SDCCAG8: variants seen among roughly 807,000 people sequenced by gnomAD.
The protein encoded by SDCCAG8 is SHH signaling and ciliogenesis regulator SDCCAG8.
SDCCAG8 carries 74 observed loss-of-function variants against 101.8 expected under a neutral mutation model. The ratio of observed to expected loss-of-function variants is 0.73; its 90% CI spans 0.60 to 0.88. The LOEUF is 0.88. Among genes scored for constraint, SDCCAG8 ranks in the 40% least tolerant of loss-of-function variants. SDCCAG8 has a pLI of 0.00. For synonymous variants in SDCCAG8, 281 were observed against 292.9 expected (o/e 0.96, Z 0.41); for missense variants, 787 against 822.6 (o/e 0.96, Z 0.53).
chr1:243,344,176 T>C (rs2075557959), intron 11 of SDCCAG8, 39 bp from the exon 12 acceptor site: 1 of 1,536,500 alleles, frequency 6.5e-7, no homozygotes, highest in Non-Finnish European at 9.0e-7. Flanking sequence ...GCCTGGTAGA[T>C]TCCAGCAGGT....
At chr1:243,448,934 G>A (rs2148120743) in intron 16 of SDCCAG8, among the ~76,000 whole-genome samples, 1 of 152,272 alleles carries the variant, frequency 6.6e-6, no homozygotes, top group East Asian at 1.9e-4. Flanking sequence ...TGAGACAAAA[G>A]CAGAACTTGA....
intron 4 of SDCCAG8, 96 bp from the exon 5 acceptor site, chr1:243,286,176 G>A (rs1456089582): frequency 1.6e-6 from 2 of 1,234,058 alleles, no homozygotes; most frequent in Non-Finnish European, 2.4e-6. Context: ...GAGAACATAA[G>A]TCTTCCGTAC....
At chr1:243,392,062 A>G (rs2078737317) in intron 13 of SDCCAG8, among the ~76,000 whole-genome samples, 1 of 152,206 alleles carries the variant, frequency 6.6e-6, no homozygotes, top group African/African-American at 2.4e-5. Context: ...AAAATCCCCT[A>G]TTGTACTTGA....
chr1:243,316,588 G>T (rs986126844), intron 8 of SDCCAG8, among the ~76,000 whole-genome samples, 167 bp from the exon 9 acceptor site: 3 of 152,184 alleles, frequency 2.0e-5, no homozygotes, highest in African/African-American at 7.2e-5. Flanking sequence ...CCCGCCGCTC[G>T]CCAAGTGAGG....
At chr1:243,463,042 G>A (rs773315100) in intron 16 of SDCCAG8, among the ~76,000 whole-genome samples, 1 of 152,174 alleles carries the variant, frequency 6.6e-6, no homozygotes, top group Non-Finnish European at 1.5e-5. Context: ...CTGATCCAGG[G>A]CCAATAGGAG....
chr1:243,382,976 A>G (rs2078050244), intron 13 of SDCCAG8, among the ~76,000 whole-genome samples: 1 of 152,188 alleles, frequency 6.6e-6, no homozygotes, highest in Non-Finnish European at 1.5e-5. Context: ...TCATTGTGCA[A>G]CCCCAGTGGA....
At chr1:243,427,007 C>A (rs1478717036) in intron 16 of SDCCAG8, among the ~76,000 whole-genome samples, 1 of 152,172 alleles carries the variant, frequency 6.6e-6, no homozygotes. Context: ...ACAAACAAAA[C>A]CTTCACTTCT....
chr1:243,439,526 G>A (rs2082383391), intron 16 of SDCCAG8, among the ~76,000 whole-genome samples: 1 of 151,952 alleles, frequency 6.6e-6, no homozygotes, highest in South Asian at 2.1e-4. Flanking sequence ...TCCAGAGGCT[G>A]AGGCAGGAGA....
chr1:243,400,756 G>T (rs1003816587), intron 13 of SDCCAG8, among the ~76,000 whole-genome samples: 5 of 152,132 alleles, frequency 3.3e-5, no homozygotes, highest in Non-Finnish European at 7.4e-5. Flanking sequence ...ACCTTTTAAA[G>T]CATGACTCTG....
At chr1:243,318,550 C>T in intron 9 of SDCCAG8, 2 of 985,286 alleles carry the variant, frequency 2.0e-6, no homozygotes, top group Non-Finnish European at 2.4e-6. Context: ...TGCATTAAGC[C>T]TCTTGTCAGC....
At chr1:243,291,246 T>TC (rs1351754400) in intron 5 of SDCCAG8, among the ~76,000 whole-genome samples, 2 of 152,184 alleles carry the variant, frequency 1.3e-5, no homozygotes, top group African/African-American at 2.4e-5. Context: ...ACACATAAAT[T>TC]CCCCAGATCA....
intron 13 of SDCCAG8, among the ~76,000 whole-genome samples, chr1:243,379,396 T>C (rs757648115): frequency 1.9e-4 from 29 of 152,316 alleles, no homozygotes; most frequent in Non-Finnish European, 4.1e-4. Context: ...GCTTACACCA[T>C]TGAGGTTTCA....
At chr1:243,321,209 A>G (rs1008090553) in intron 9 of SDCCAG8, among the ~76,000 whole-genome samples, 8 of 152,098 alleles carry the variant, frequency 5.3e-5, no homozygotes, top group Non-Finnish European at 1.2e-4. Flanking sequence ...CTTATATAGC[A>G]TTTATCAAAA....
chr1:243,497,267 G>A (rs575748960), intron 17 of SDCCAG8, among the ~76,000 whole-genome samples: 2 of 138,934 alleles, frequency 1.4e-5, no homozygotes, highest in African/African-American at 2.7e-5. Flanking sequence ...TGACCTCCTA[G>A]GACAAATTAT....
chr1:243,467,427 T>C (rs1320056487), intron 16 of SDCCAG8, among the ~76,000 whole-genome samples: 2 of 152,196 alleles, frequency 1.3e-5, no homozygotes, highest in Non-Finnish European at 1.5e-5. Context: ...ACAACCCAGC[T>C]GAGATTCCAG....
At chr1:243,480,306 G>GGGATGGATGGATGGGTGGGAT (rs1663219882) in intron 16 of SDCCAG8, among the ~76,000 whole-genome samples, 2 of 133,206 alleles carry the variant, frequency 1.5e-5, no homozygotes, top group Non-Finnish European at 3.1e-5. Context: ...ATGGATGAGT[G>GGGATGGATGGATGGGTGGGAT]GGATGGATGG....
At chr1:243,292,340 C>G (rs1027846163) in intron 5 of SDCCAG8, among the ~76,000 whole-genome samples, 1 of 152,198 alleles carries the variant, frequency 6.6e-6, no homozygotes, top group African/African-American at 2.4e-5. Context: ...AAAGGATACT[C>G]TTATCACCAT....
chr1:243,488,909 G>T, intron 16 of SDCCAG8, 105 bp from the exon 17 acceptor site: 1 of 1,558,426 alleles, frequency 6.4e-7, no homozygotes, highest in South Asian at 1.1e-5. Context: ...TAGGCGTCCT[G>T]CTCATGGTTC....
At chr1:243,400,928 C>T (rs187333711) in intron 13 of SDCCAG8, among the ~76,000 whole-genome samples, 25 of 152,302 alleles carry the variant, frequency 1.6e-4, no homozygotes, top group Admixed American at 1.4e-3. Flanking sequence ...GGCAATATTC[C>T]TCCCTTTTAT....
Sources: gnomAD v4.1 joint callset for allele counts (sites outside exome capture counted in the v4.1 genomes callset) on GRCh38, gnomAD v4.1.1 for gene constraint, MANE v1.5 for transcripts, NCBI Gene and HGNC (gene_info 2026-07-23, HGNC 2026-07-21) for gene names.